The following HUWE1 variants were observed in gnomAD, a reference collection of about 807,000 sequenced individuals.
HUWE1 encodes E3 ubiquitin-protein ligase HUWE1.
A neutral mutation model predicts 299.4 loss-of-function variants in HUWE1; 18 were observed. That is an observed-to-expected ratio of 0.06 (90% confidence interval 0.04 to 0.09). The LOEUF is 0.09. Among genes scored for constraint, HUWE1 ranks in the 10% least tolerant of loss-of-function variants. The pLI is 1.00. For missense variants in HUWE1, 1,832 were observed against 3,462.3 expected, an observed-to-expected ratio of 0.53 and a Z score of 11.82; for synonymous variants, 1,317 against 1,286.1, an observed-to-expected ratio of 1.02 and a Z score of -0.51.
intron 42 of HUWE1, among the ~76,000 whole-genome samples, chrX:53,581,947 G>A (rs146033862): frequency 3.2e-3 from 360 of 111,248 alleles, no homozygotes; most frequent in African/African-American, 0.011. Flanking sequence ...AGAATTTCTA[G>A]GTCAAAGGAT....
Position 53,544,662 on chromosome X carries a change from T to A in HUWE1, c.11149A>T (p.Thr3717Ser). 8.3e-7 allele frequency: 1 copy of A among 1,208,336 alleles called. No individual in the cohort carries two copies. The highest frequency in any genetic ancestry group is 1.1e-6 in the Non-Finnish European group (1 of 893,393). The part of the protein sequence containing the change: ...LPSMSMLTSK[T>S]STQKFFLRVL... Reference sequence around the variant, plus strand: ...CTCAAGAAGAACTTCTGGGTAGATGTCTTGGATGTCAACATGGACATAGAA... The same window carrying A: ...CTCAAGAAGAACTTCTGGGTAGATGACTTGGATGTCAACATGGACATAGAA... Residue 3717 changes from threonine (T) to serine (S), a missense_variant, in exon 72 of 84, where the codon ACA becomes TCA. Physicochemically the swap from Thr to Ser is moderately conservative, Grantham distance 58. Coordinates refer to ENST00000262854, the MANE Select transcript of HUWE1 (RefSeq NM_031407.7).
chrX:53,682,549 G>A (rs1298067115), intron 2 of HUWE1, among the ~76,000 whole-genome samples: 2 of 111,353 alleles, frequency 1.8e-5, no homozygotes, highest in Non-Finnish European at 3.8e-5. Context: ...CTGGGGGGCA[G>A]GACAATCAAT....
intron 38 of HUWE1, 52 bp from the exon 39 acceptor site, chrX:53,586,623 G>C (rs956214568): frequency 9.2e-7 from 1 of 1,085,670 alleles, no homozygotes; most frequent in Admixed American, 2.3e-5. Flanking sequence ...TGCACAAATT[G>C]GGAAAATATA....
At chrX:53,550,627 T>C (rs782200672) in intron 66 of HUWE1, 39 bp downstream of exon 66, 9 of 1,123,895 alleles carry the variant, frequency 8.0e-6, no homozygotes, top group Non-Finnish European at 1.1e-5. Context: ...CTAATAGACT[T>C]GAGTGGTGAT....
At chrX:53,552,221 T>C in intron 63 of HUWE1, 90 bp downstream of exon 63, 2 of 1,055,621 alleles carry the variant, frequency 1.9e-6, no homozygotes, top group Non-Finnish European at 2.6e-6. Context: ...TCCATCTAAA[T>C]GGAACTGTTT....
At chrX:53,551,554 C>T in intron 63 of HUWE1, 74 bp from the exon 64 acceptor site, 1 of 961,801 alleles carries the variant, frequency 1.0e-6, no homozygotes, top group East Asian at 3.3e-5. Context: ...GTCTGTTGCC[C>T]AGGCTGGAGT....
At chrX:53,605,925 G>T (rs2065124780) in intron 25 of HUWE1, among the ~76,000 whole-genome samples, 1 of 111,563 alleles carries the variant, frequency 9.0e-6, no homozygotes, top group African/African-American at 3.3e-5. Flanking sequence ...GGAAAGGACA[G>T]ACTTTTACCA....
intron 76 of HUWE1, 113 bp downstream of exon 76, chrX:53,538,722 A>ACTCTCTCTCT (rs879987418): frequency 9.8e-5 from 43 of 439,918 alleles, no homozygotes; most frequent in East Asian, 8.5e-4. Context: ...ACACACACAC[A>ACTCTCTCTCT]CACTCTCTCT....
chrX:53,537,669 T>C lies in HUWE1; in HGVS notation c.12024A>G (p.Leu4008=). 8.3e-7 allele frequency: 1 copy of C among 1,209,441 alleles called. No homozygotes were observed. Among genetic ancestry groups the C allele is most frequent in the Non-Finnish European group, 1.1e-6 (1 of 894,133 alleles). The stretch of plus-strand genomic sequence containing the variant: ...TGTCTTCTTTCCGGAGCCCCTCATC[T>C]AAACGCTCCAGCTCTTGGCGGAAAT... ...RKYFRQELER[L]DEGLRKEDMA... Residue 4008 remains leucine, a synonymous_variant, in exon 78 of 84, where the codon TTA becomes TTG. Coordinates refer to ENST00000262854, the MANE Select transcript of HUWE1 (RefSeq NM_031407.7).
intron 23 of HUWE1, among the ~76,000 whole-genome samples, chrX:53,610,715 A>AGGAGCC (rs1357820209): frequency 8.9e-6 from 1 of 111,928 alleles, no homozygotes; most frequent in Admixed American, 9.4e-5. Context: ...ACTCTGACAA[A>AGGAGCC]GGAGCCCTCC....
rs2061668443 is a variant in HUWE1 at position 53,549,255 on chromosome X, T to C, written c.9739A>G (p.Thr3247Ala). The change falls in exon 67 of 84, where the codon ACA becomes GCA. Residue 3247 changes from threonine to alanine, a missense_variant. Transcript: ENST00000262854. ...ELCIETPKLT[T>A]SEEKGKKSSK... is the part of the protein sequence containing the mutation. ...GACTTTTTGCCCTTTTCCTCACTTGTAGTGAGTTTGGGTGTTTCAATGCAT... is the reference window on the plus strand; with the variant it reads ...GACTTTTTGCCCTTTTCCTCACTTGCAGTGAGTTTGGGTGTTTCAATGCAT... 1 of 1,211,568 alleles carries C rather than the reference T, an allele frequency of 8.3e-7. No individual in the cohort carries two copies. The highest frequency in any genetic ancestry group is 1.7e-5 in the African/African-American group (1 of 57,770).
chrX:53,551,629 C>A, intron 63 of HUWE1, 149 bp from the exon 64 acceptor site: 1 of 527,950 alleles, frequency 1.9e-6, no homozygotes, highest in Admixed American at 2.8e-5. Flanking sequence ...CCTGCCTCAG[C>A]ATCTTGAGTA....
chrX:53,578,538 T>G (rs1381243926), intron 43 of HUWE1, among the ~76,000 whole-genome samples: 13 of 54,497 alleles, frequency 2.4e-4, no homozygotes, highest in African/African-American at 6.1e-4. Context: ...AGGTGGGGGG[T>G]CAGCCCCCCG....
At chrX:53,540,152 TAAC>T (rs782062281) in intron 74 of HUWE1, among the ~76,000 whole-genome samples, 1 of 112,211 alleles carries the variant, frequency 8.9e-6, no homozygotes, top group South Asian at 3.7e-4. Context: ...CAGGGTAATG[TAAC>T]AACAGTGGAG....
At position 53,551,524 on chromosome X, in the gene HUWE1, T is replaced by C. The variant is rs1271029216; in HGVS notation, c.8882-44A>G. The C allele has an allele frequency of 8.2e-6, 9 of 1,093,308 alleles. No individual in the cohort carries two copies. The African/African-American group carries it at 1.1e-4, about 13-fold the overall frequency. 90.1% of individuals were successfully genotyped at this position (1,093,308 alleles called of 1,213,427 possible). ...TGTAAAGGGATTCACGCCTTATTAA[T>C]TGCTTGAGACGGGGTCTTGGTCTGT... On this transcript the variant is annotated intron_variant, in intron 63 of 83. Coordinates refer to ENST00000262854, the MANE Select transcript of HUWE1 (RefSeq NM_031407.7).
intron 22 of HUWE1, 40 bp from the exon 23 acceptor site, chrX:53,614,785 T>C (rs781960001): frequency 1.4e-5 from 13 of 962,073 alleles, no homozygotes; most frequent in Admixed American, 4.7e-5. Flanking sequence ...TTAGTAATCA[T>C]GGAATGGGGA....
chrX:53,575,012 G>C, intron 46 of HUWE1, 143 bp downstream of exon 46: 1 of 508,527 alleles, frequency 2.0e-6, no homozygotes, highest in Non-Finnish European at 3.5e-6. Flanking sequence ...AGAACACTGA[G>C]CTCACCTGAG....
intron 21 of HUWE1, among the ~76,000 whole-genome samples, chrX:53,616,435 C>T (rs1557007500): frequency 8.9e-6 from 1 of 111,898 alleles, no homozygotes; most frequent in Admixed American, 9.5e-5. Flanking sequence ...GAAAGATGTA[C>T]AAACCATTAA....
chrX:53,548,277 C>T lies in HUWE1; in HGVS notation c.10036-4G>A. Reference sequence around the variant, plus strand: ...GTGTGAAGTGGCTGGGAAATACCTGCCGGGAAAAGGAGGACAAGGCTTGGT... The same window carrying T: ...GTGTGAAGTGGCTGGGAAATACCTGTCGGGAAAAGGAGGACAAGGCTTGGT... On this transcript the variant is annotated splice_region_variant and splice_polypyrimidine_tract_variant and intron_variant, in intron 67 of 83. Coordinates refer to ENST00000262854, the MANE Select transcript of HUWE1 (RefSeq NM_031407.7). The T allele has an allele frequency of 8.3e-7, 1 of 1,207,679 alleles. No individual in the cohort carries two copies. The highest frequency in any genetic ancestry group is 1.8e-5 in the South Asian group (1 of 56,141).
Sources: gnomAD v4.1 joint callset for allele counts (sites outside exome capture counted in the v4.1 genomes callset) on GRCh38, gnomAD v4.1.1 for gene constraint, MANE v1.5 for transcripts, NCBI Gene and HGNC (gene_info 2026-07-23, HGNC 2026-07-21) for gene names.